Variants in SYNE2 observed in about 807,000 individuals in gnomAD.
SYNE2 encodes nesprin-2.
Under a neutral mutation model 856.3 loss-of-function variants are expected in SYNE2, and 431 were observed. The ratio of observed to expected loss-of-function variants is 0.50; its 90% CI spans 0.47 to 0.55. The LOEUF (loss-of-function observed/expected upper bound fraction) is 0.55. Ranked by LOEUF, SYNE2 falls within the 20% of genes least tolerant of loss-of-function variation. The pLI is 0.00. For missense variants in SYNE2, 8,129 were observed against 8,023.2 expected, an observed-to-expected ratio of 1.01 and a Z score of -0.50; for synonymous variants, 2,923 against 2,872.3, an observed-to-expected ratio of 1.02 and a Z score of -0.56.
intron 58 of SYNE2, 137 bp downstream of exon 58, chr14:64,087,993 G>A: frequency 2.2e-6 from 2 of 889,474 alleles, no homozygotes; most frequent in Non-Finnish European, 1.8e-6. Context: ...GACAAGCCTG[G>A]CCAACATGGT....
chr14:63,798,741 T>C (rs953621839), intron 1 of SYNE2, among the ~76,000 whole-genome samples: 1 of 152,136 alleles, frequency 6.6e-6, no homozygotes, highest in African/African-American at 2.4e-5. Flanking sequence ...GACTCTACCC[T>C]GGGGTCTAAG....
At chr14:63,875,072 A>G (rs576064069) in intron 1 of SYNE2, among the ~76,000 whole-genome samples, 131 of 151,690 alleles carry the variant, frequency 8.6e-4, no homozygotes, top group Admixed American at 1.9e-3. Context: ...GGGTGTTGCT[A>G]TGTTGTCCAG....
At chr14:63,845,472 A>G (rs974548442) in intron 1 of SYNE2, among the ~76,000 whole-genome samples, 2 of 151,450 alleles carry the variant, frequency 1.3e-5, no homozygotes, top group African/African-American at 4.8e-5. Flanking sequence ...TTTCTGTTTC[A>G]ATGGCTATAC....
At chr14:64,042,104 C>T (rs923658847) in intron 45 of SYNE2, among the ~76,000 whole-genome samples, 1 of 152,100 alleles carries the variant, frequency 6.6e-6, no homozygotes, top group Non-Finnish European at 1.5e-5. Flanking sequence ...TTGTTTTCCA[C>T]AGTAGTCTAA....
intron 2 of SYNE2, among the ~76,000 whole-genome samples, chr14:63,938,948 G>GTGCATGTGTGTGCT (rs1555387870): frequency 6.6e-6 from 1 of 151,786 alleles, no homozygotes; most frequent in African/African-American, 2.4e-5. Flanking sequence ...GTGTGCGTGT[G>GTGCATGTGTGTGCT]TGCATGTGTG....
intron 1 of SYNE2, among the ~76,000 whole-genome samples, chr14:63,795,788 T>G (rs761445582): frequency 6.6e-6 from 1 of 152,192 alleles, no homozygotes; most frequent in African/African-American, 2.4e-5. Context: ...CATACAATAC[T>G]GCATGTCTAC....
chr14:63,804,708 G>C (rs1888292680), intron 1 of SYNE2, among the ~76,000 whole-genome samples: 1 of 152,086 alleles, frequency 6.6e-6, no homozygotes, highest in African/African-American at 2.4e-5. Flanking sequence ...TGGTCAGGCT[G>C]ATCTCGAACT....
At chr14:63,906,665 A>G (rs1342635739) in intron 1 of SYNE2, among the ~76,000 whole-genome samples, 2 of 152,144 alleles carry the variant, frequency 1.3e-5, no homozygotes, top group South Asian at 2.1e-4. Context: ...ATTTCTGATT[A>G]TACTGATTTG....
chr14:64,144,074 C>T (rs550539847), intron 83 of SYNE2, 126 bp downstream of exon 83: 2 of 1,112,416 alleles, frequency 1.8e-6, no homozygotes, highest in Non-Finnish European at 2.7e-6. Context: ...AACTATAGCC[C>T]TTTTATAAAT....
At position 64,167,237 on chromosome 14, in the gene SYNE2, A is replaced by C. The variant is rs777030635; in HGVS notation, c.16610A>C (p.His5537Pro). ...EKENPDSFLN[H>P]VLALTAQSPD... is the part of the protein sequence containing the mutation. The stretch of plus-strand genomic sequence containing the variant: ...ACTTCAATTTTTTAAAAATAGAATC[A>C]TGTGCTGGCACTGACAGCCCAATCA... Residue 5537 changes from histidine (H) to proline (P), a missense_variant, in exon 91 of 116, where the codon CAT (histidine) becomes CCT (proline). Around this residue, in one of 3 missense-constraint regions of SYNE2, gnomAD observed 5,410 missense variants for 5,284.8 expected, o/e 1.02. Coordinates refer to ENST00000555002, the MANE Select transcript of SYNE2 (RefSeq NM_182914.3). 1 of 1,614,216 alleles carries C rather than the reference A, an allele frequency of 6.2e-7. No individual in the cohort carries two copies. The highest frequency in any genetic ancestry group is 1.1e-5 in the South Asian group (1 of 91,080).
chr14:63,895,325 G>A (rs1595492841), intron 1 of SYNE2, among the ~76,000 whole-genome samples: 1 of 151,300 alleles, frequency 6.6e-6, no homozygotes, highest in African/African-American at 2.4e-5. Flanking sequence ...TGGCCAGGCT[G>A]GTCTTGAACT....
chr14:63,969,384 A>G (rs1394511597), intron 11 of SYNE2, among the ~76,000 whole-genome samples: 1 of 125,118 alleles, frequency 8.0e-6, no homozygotes, highest in Non-Finnish European at 1.6e-5. Flanking sequence ...TTCTGTCGCC[A>G]TGCTGGAGTG....
chr14:64,151,100 C>T (rs541562429), intron 84 of SYNE2, among the ~76,000 whole-genome samples: 57 of 152,266 alleles, frequency 3.7e-4, no homozygotes, highest in African/African-American at 1.3e-3. Flanking sequence ...ATTCTCTCAT[C>T]ATCCGTTCTT....
At chr14:63,763,584 T>C (rs1886571128) in intron 1 of SYNE2, among the ~76,000 whole-genome samples, 1 of 152,058 alleles carries the variant, frequency 6.6e-6, no homozygotes, top group African/African-American at 2.4e-5. Context: ...TCATGATGGC[T>C]CAGGCCTGTA....
At chr14:64,141,192 C>CAACA (rs1178586050) in intron 80 of SYNE2, 149 bp from the exon 81 acceptor site, 2 of 652,740 alleles carry the variant, frequency 3.1e-6, no homozygotes, top group Non-Finnish European at 5.2e-6. Flanking sequence ...ATGTAATGCC[C>CAACA]AACAGTAGGA....
intron 6 of SYNE2, among the ~76,000 whole-genome samples, chr14:63,945,603 A>AT (rs1216772232): frequency 6.6e-6 from 1 of 151,422 alleles, no homozygotes; most frequent in Non-Finnish European, 1.5e-5. Context: ...CAGTTTTTTT[A>AT]TTTGTTTGTT....
intron 68 of SYNE2, 90 bp downstream of exon 68, chr14:64,121,151 A>C (rs939394900): frequency 6.4e-7 from 1 of 1,561,588 alleles, no homozygotes; most frequent in Non-Finnish European, 8.8e-7. Context: ...GCTACTTGGG[A>C]GGCTGAGGTG....
intron 54 of SYNE2, among the ~76,000 whole-genome samples, chr14:64,077,924 T>A (rs1485126045): frequency 6.6e-6 from 1 of 152,178 alleles, no homozygotes; most frequent in African/African-American, 2.4e-5. Flanking sequence ...CAGAGAATAA[T>A]TAAGCTCTGT....
chr14:63,813,077 C>T (rs1447522620), intron 1 of SYNE2, among the ~76,000 whole-genome samples: 1 of 152,128 alleles, frequency 6.6e-6, no homozygotes, highest in Non-Finnish European at 1.5e-5. Flanking sequence ...ATTCTGATGG[C>T]CAGTCATTTG....
Sources: gnomAD v4.1 joint callset for allele counts (sites outside exome capture counted in the v4.1 genomes callset) on GRCh38, gnomAD v4.1.1 for gene constraint, gnomAD v4.1.1 regional missense constraint, MANE v1.5 for transcripts, NCBI Gene and HGNC (gene_info 2026-07-23, HGNC 2026-07-21) for gene names.